The following SH3PXD2A variants were observed in gnomAD, a reference collection of about 807,000 sequenced individuals.
SH3PXD2A encodes SH3 and PX domains 2A, also known as SH3 and PX domain-containing protein 2A.
In SH3PXD2A, 32 loss-of-function variants were observed where a neutral mutation model predicts 115.2. The ratio of observed to expected loss-of-function variants is 0.28; its 90% CI spans 0.21 to 0.37. The LOEUF (loss-of-function observed/expected upper bound fraction) is 0.37. Ranked by LOEUF, SH3PXD2A falls within the 10% of genes least tolerant of loss-of-function variation. The probability of loss-of-function intolerance (pLI) is 1.00; values close to 1 mark genes in which losing one functional copy is unlikely to be tolerated. For missense variants in SH3PXD2A, 1,328 were observed against 1,498.7 expected (o/e 0.89, Z 1.88); for synonymous variants, 610 against 629.1 (o/e 0.97, Z 0.45).
intron 8 of SH3PXD2A, among the ~76,000 whole-genome samples, chr10:103,651,878 C>T (rs2134024980): frequency 6.6e-6 from 1 of 152,338 alleles, no homozygotes; most frequent in Non-Finnish European, 1.5e-5. Context: ...GGCCACTGTC[C>T]TTAGAGCTTT....
chr10:103,833,845 C>T (rs1018947917), intron 1 of SH3PXD2A, among the ~76,000 whole-genome samples: 1 of 152,184 alleles, frequency 6.6e-6, no homozygotes, highest in Non-Finnish European at 1.5e-5. Flanking sequence ...GGGAGGACAG[C>T]GTGACCAGGA....
In SH3PXD2A at chr10:103,686,745, AT is replaced by A. The variant is rs760028346; in HGVS notation, c.427+6282del. 9.3e-3 allele frequency among the ~76,000 whole-genome samples: 1,199 copies of A among 128,544 alleles called. 12 individuals are homozygous for A. Among genetic ancestry groups the A allele is most frequent in the African/African-American group, 0.027 (930 of 34,158 alleles). 84.3% of individuals were successfully genotyped at this position (128,544 alleles called of 152,430 possible). On this transcript the variant is annotated intron_variant, in intron 6 of 14. Coordinates refer to ENST00000369774, the MANE Select transcript of SH3PXD2A (RefSeq NM_001394015.1). ...ACACTAATTTAGGTGTTGCTGGGGA[AT>A]TTTTTTTTTTTTTTTTTTTGAGACA...
At chr10:103,628,420 G>C (rs529384074) in intron 8 of SH3PXD2A, among the ~76,000 whole-genome samples, 1 of 151,982 alleles carries the variant, frequency 6.6e-6, no homozygotes, top group Non-Finnish European at 1.5e-5. Flanking sequence ...CCTGGACCAG[G>C]AGTCTGGACT....
At chr10:103,805,021 C>T (rs2039187070) in intron 1 of SH3PXD2A, among the ~76,000 whole-genome samples, 1 of 152,174 alleles carries the variant, frequency 6.6e-6, no homozygotes, top group Non-Finnish European at 1.5e-5. Flanking sequence ...CCCAAGAGGC[C>T]AATCCGCCCC....
chr10:103,639,517 G>A (rs2036917097), intron 8 of SH3PXD2A, among the ~76,000 whole-genome samples: 1 of 150,946 alleles, frequency 6.6e-6, no homozygotes, highest in Admixed American at 6.6e-5. Flanking sequence ...GGCTGAGGCA[G>A]GAGAATCGCT....
intron 10 of SH3PXD2A, 118 bp downstream of exon 10, chr10:103,622,352 G>A (rs892782145): frequency 2.5e-5 from 17 of 691,236 alleles, no homozygotes; most frequent in South Asian, 1.1e-4. Flanking sequence ...AGCCTGGCCC[G>A]TGAATCTGGG....
chr10:103,609,746 C>G (rs1263933648), intron 13 of SH3PXD2A: 1 of 152,180 alleles, frequency 6.6e-6, no homozygotes, highest in Non-Finnish European at 1.5e-5. Flanking sequence ...TTATGTCCTC[C>G]CTCATGCAAA....
intron 6 of SH3PXD2A, among the ~76,000 whole-genome samples, chr10:103,680,445 AT>A (rs1295799113): frequency 6.8e-6 from 1 of 147,518 alleles, no homozygotes; most frequent in East Asian, 2.0e-4. Context: ...CACTGGACTA[AT>A]TTTTTATTTT....
intron 8 of SH3PXD2A, among the ~76,000 whole-genome samples, chr10:103,652,737 C>A (rs927799415): frequency 6.6e-6 from 1 of 152,124 alleles, no homozygotes; most frequent in South Asian, 2.1e-4. Flanking sequence ...CCTGTCATTT[C>A]CACTGAGGAC....
At position 103,599,944 on chromosome 10, in the gene SH3PXD2A, G is replaced by A. The variant is rs865945037; in HGVS notation, c.*1872C>T. ...TAGCTGCCAGGCATCAGTGTATGGCGAGGGACAGGGGCTTAGGGTTGCCCA... is the reference window on the plus strand; with the variant it reads ...TAGCTGCCAGGCATCAGTGTATGGCAAGGGACAGGGGCTTAGGGTTGCCCA... On this transcript the variant is annotated 3_prime_UTR_variant, in exon 15 of 15. Coordinates refer to ENST00000369774, the MANE Select transcript of SH3PXD2A (RefSeq NM_001394015.1). 1 of 152,262 alleles carries A rather than the reference G, an allele frequency of 6.6e-6. No homozygotes were observed. The highest frequency in any genetic ancestry group is 2.4e-5 in the African/African-American group (1 of 41,332). The allele number at this position is 152,262 out of a possible 1,614,324, so 9.4% of individuals were successfully genotyped here.
intron 5 of SH3PXD2A, 111 bp from the exon 6 acceptor site, chr10:103,693,167 T>A: frequency 2.8e-6 from 2 of 726,996 alleles, no homozygotes; most frequent in Non-Finnish European, 4.4e-6. Flanking sequence ...GTGCCGCTGC[T>A]CATGTGATGC....
chr10:103,737,672 A>G (rs1189533011), intron 3 of SH3PXD2A, among the ~76,000 whole-genome samples: 2 of 152,232 alleles, frequency 1.3e-5, no homozygotes, highest in Non-Finnish European at 2.9e-5. Context: ...GTCACTGAGG[A>G]CTGCCTCTGA....
chr10:103,803,819 T>G (rs527720693), intron 1 of SH3PXD2A, among the ~76,000 whole-genome samples: 1 of 152,226 alleles, frequency 6.6e-6, no homozygotes, highest in Admixed American at 6.6e-5. Context: ...GAGGTCCTGA[T>G]GACATGTGCC....
intron 5 of SH3PXD2A, among the ~76,000 whole-genome samples, chr10:103,711,248 G>A (rs2038042954): frequency 6.6e-6 from 1 of 152,252 alleles, no homozygotes; most frequent in Non-Finnish European, 1.5e-5. Flanking sequence ...CAGCTGAGCT[G>A]CCAGAACACC....
chr10:103,623,313 C>T (rs7913695), intron 9 of SH3PXD2A, among the ~76,000 whole-genome samples: 77,656 of 151,368 alleles, frequency 0.51, 20,213 homozygotes, highest in Middle Eastern at 0.63. Flanking sequence ...GTGCCCTGAG[C>T]AGCATCCTGC....
chr10:103,779,137 C>T (rs1293829980), intron 2 of SH3PXD2A, among the ~76,000 whole-genome samples: 1 of 152,180 alleles, frequency 6.6e-6, no homozygotes, highest in East Asian at 1.9e-4. Flanking sequence ...GACACGATCC[C>T]GGCTCACTGC....
At chr10:103,656,460 A>G (rs1269213743) in intron 8 of SH3PXD2A, among the ~76,000 whole-genome samples, 1 of 152,226 alleles carries the variant, frequency 6.6e-6, no homozygotes, top group East Asian at 1.9e-4. Context: ...AACGCCACTC[A>G]AACAAGCTGC....
intron 3 of SH3PXD2A, among the ~76,000 whole-genome samples, chr10:103,759,469 G>T (rs1274861194): frequency 6.6e-6 from 1 of 152,206 alleles, no homozygotes; most frequent in African/African-American, 2.4e-5. Flanking sequence ...AGGATGAAGG[G>T]CTTTCTGGAA....
intron 3 of SH3PXD2A, chr10:103,745,956 G>C (rs928618967): frequency 2.0e-5 from 3 of 152,292 alleles, no homozygotes; most frequent in African/African-American, 7.2e-5. Flanking sequence ...TCTCCCACAC[G>C]CCCAGGGAAA....
Sources: allele counts gnomAD v4.1 joint callset (sites outside exome capture counted in the v4.1 genomes callset), GRCh38; gene constraint gnomAD v4.1.1; transcripts MANE v1.5; gene names NCBI Gene and HGNC (gene_info 2026-07-23, HGNC 2026-07-21).